Variants in UBR4 observed in about 807,000 individuals in gnomAD.
UBR4 encodes the protein E3 ubiquitin-protein ligase UBR4.
In UBR4, 124 loss-of-function variants were observed where a neutral mutation model predicts 575.6. The ratio of observed to expected loss-of-function variants is 0.22; its 90% CI spans 0.19 to 0.25. The LOEUF is 0.25. UBR4 is among the 10% of genes least tolerant of loss of function. The pLI is 1.00. For synonymous variants in UBR4, 2,455 were observed against 2,473.7 expected (o/e 0.99, Z 0.22); for missense variants, 4,818 against 6,478.8 (o/e 0.74, Z 8.80).
chr1:19,104,177 A>G lies in UBR4; in HGVS notation c.12808T>C (p.Tyr4270His). ...SRLVGTVLNG[Y>H]LCLRKLVVQR... is the part of the protein sequence containing the mutation. ...ACCACCAGCTTCCGCAAGCACAGGTATCCATTCAGCACAGTACCCACCAAG... is the reference window on the plus strand; with the variant it reads ...ACCACCAGCTTCCGCAAGCACAGGTGTCCATTCAGCACAGTACCCACCAAG... The change falls in exon 87 of 106, where the codon TAC becomes CAC. Residue 4270 changes from tyrosine to histidine, a missense_variant. By Grantham distance (83) the Tyr-to-His change is moderately conservative. This residue lies in a region of UBR4 where 105 missense variants were observed against 232.8 expected (regional missense o/e 0.45). Coordinates refer to ENST00000375254, the MANE Select transcript of UBR4 (RefSeq NM_020765.3). 6.2e-7 allele frequency: 1 copy of G among 1,614,264 alleles called. No homozygotes were observed. The highest frequency in any genetic ancestry group is 8.5e-7 in the Non-Finnish European group (1 of 1,180,056).
chr1:19,189,906 A>G (rs924719766), intron 11 of UBR4, among the ~76,000 whole-genome samples: 10 of 152,066 alleles, frequency 6.6e-5, no homozygotes, highest in African/African-American at 2.4e-4. Flanking sequence ...CCGGCTTCAG[A>G]TTTCAGCTTA....
intron 103 of UBR4, 150 bp downstream of exon 103, chr1:19,081,199 T>G: frequency 1.4e-6 from 1 of 710,512 alleles, no homozygotes; most frequent in South Asian, 1.9e-5. Context: ...CTTAGACTCT[T>G]GACATGACAG....
intron 1 of UBR4, among the ~76,000 whole-genome samples, chr1:19,205,264 AC>A (rs1199425434): frequency 2.0e-5 from 3 of 152,232 alleles, no homozygotes; most frequent in African/African-American, 7.2e-5. Context: ...TAAAAAAAGA[AC>A]TGGCAGGGTC....
chr1:19,191,687 G>A (rs1402085717), intron 11 of UBR4, among the ~76,000 whole-genome samples: 2 of 152,036 alleles, frequency 1.3e-5, no homozygotes, highest in African/African-American at 4.8e-5. Context: ...ATATAATAGG[G>A]ATTGAATGAA....
chr1:19,141,890 G>A, intron 55 of UBR4, 113 bp from the exon 56 acceptor site: 1 of 1,454,864 alleles, frequency 6.9e-7, no homozygotes, highest in Non-Finnish European at 9.3e-7. Context: ...CTAGCACCCT[G>A]GGCTTTAGCG....
At position 19,124,774 on chromosome 1, in the gene UBR4, T is replaced by C. The variant is rs577101846; in HGVS notation, c.9439-84A>G. On this transcript the variant is annotated intron_variant, in intron 64 of 105. Coordinates refer to ENST00000375254, the MANE Select transcript of UBR4 (RefSeq NM_020765.3). ...AGGAAAAAGCCTGGCTCATTAGACG[T>C]ATTACATGTTGGAGGTGGTAAAGGG... is the stretch of plus-strand genomic sequence containing the variant. 19 of 1,534,344 alleles carry C rather than the reference T, an allele frequency of 1.2e-5. No homozygotes were observed. The Admixed American group carries it at 3.1e-4, about 25-fold the overall frequency.
At chr1:19,177,817 G>C in intron 18 of UBR4, 74 bp from the exon 19 acceptor site, 6 of 1,486,942 alleles carry the variant, frequency 4.0e-6, no homozygotes, top group South Asian at 2.6e-5. Context: ...TCAAGCACTA[G>C]AAGAGTTAAA....
intron 5 of UBR4, 102 bp downstream of exon 5, chr1:19,198,439 T>A: frequency 6.9e-7 from 1 of 1,443,410 alleles, no homozygotes. Flanking sequence ...GACATGTATA[T>A]CATTTTATAT....
chr1:19,170,847 T>C lies in UBR4; in HGVS notation c.3558A>G (p.Thr1186=), dbSNP rs1380819559. 1.2e-6 allele frequency: 2 copies of C among 1,614,180 alleles called. No individual in the cohort carries two copies. The highest frequency in any genetic ancestry group is 1.1e-5 in the South Asian group (1 of 91,078). Residue 1186 remains threonine (T), a synonymous_variant, in exon 26 of 106, where the codon ACA becomes ACG. Transcript: ENST00000375254. ...GTTTCTCCTTGGAAGGTTTCTCAGTTGTTCCCTCTTCATTAAAGTTTTGCA... is the reference window on the plus strand; with the variant it reads ...GTTTCTCCTTGGAAGGTTTCTCAGTCGTTCCCTCTTCATTAAAGTTTTGCA... ...YLLQNFNEEG[T]TEKPSKEKLQ...
chr1:19,141,709 C>A lies in UBR4; in HGVS notation c.8248G>T (p.Gly2750Cys). 6.2e-7 allele frequency: 1 copy of A among 1,614,206 alleles called. No individual in the cohort carries two copies. Among genetic ancestry groups the A allele is most frequent in the Non-Finnish European group, 8.5e-7 (1 of 1,180,038 alleles). The change falls in exon 56 of 106, where the codon GGT (glycine) becomes TGT (cysteine). Residue 2750 changes from glycine to cysteine, a missense_variant. Physicochemically the swap from Gly to Cys is radical, Grantham distance 159. Transcript: ENST00000375254. ...KMQSSGIPNGGHIRQESQEQS... is the reference protein window; with the variant it reads ...KMQSSGIPNGCHIRQESQEQS... ...TCCTGGCTTTCCTGACGGATGTGAC[C>A]ACCATTCGGGATCCCTGATGACTGC...
chr1:19,156,353 G>C lies in UBR4; in HGVS notation c.5990C>G (p.Ala1997Gly). Residue 1997 changes from alanine (A) to glycine (G), a missense_variant, in exon 42 of 106, where the codon GCA becomes GGA. Transcript: ENST00000375254. The stretch of plus-strand genomic sequence containing the variant: ...GGCTTTGATGATGAAGTTCCCCGTT[G>C]CCAACTGAGGGTGCAAAACCAAGTG... Reference protein sequence around the residue: ...SDHLVLHPQLATGNFIIKAVW... With the variant: ...SDHLVLHPQLGTGNFIIKAVW... The C allele has an allele frequency of 6.2e-7, 1 of 1,614,192 alleles. No homozygotes were observed.
intron 90 of UBR4, among the ~76,000 whole-genome samples, chr1:19,097,688 G>T (rs1218580558): frequency 1.3e-5 from 2 of 152,182 alleles, no homozygotes; most frequent in Non-Finnish European, 2.9e-5. Flanking sequence ...TTCCAAGCCT[G>T]GACCTTCCTC....
rs2872331 is a variant in UBR4 at position 19,114,598 on chromosome 1, A to G, written c.11202+213T>C. ...CTGGAGATACTCTAGTTTCATTACC[A>G]ATCAACACTTTTCTAAAATCCTATG... On this transcript the variant is annotated intron_variant, in intron 75 of 105. Transcript: ENST00000375254. 8.8e-4 allele frequency among the ~76,000 whole-genome samples: 134 copies of G among 152,354 alleles called. No homozygotes were observed. The Middle Eastern group carries it at 0.01, about 12-fold the overall frequency.
intron 59 of UBR4, among the ~76,000 whole-genome samples, 172 bp from the exon 60 acceptor site, chr1:19,138,353 A>G (rs2083427607): frequency 6.6e-6 from 1 of 152,216 alleles, no homozygotes; most frequent in African/African-American, 2.4e-5. Context: ...ACTATGTTAA[A>G]TCACTCTCAC....
chr1:19,184,533 A>C (rs1332134500), intron 15 of UBR4, among the ~76,000 whole-genome samples: 2 of 152,224 alleles, frequency 1.3e-5, no homozygotes, highest in East Asian at 3.8e-4. Flanking sequence ...TATATGAATG[A>C]TTATTACACA....
rs2077958221 is a variant in UBR4, at chr1:19,095,649, G to A, written c.13522C>T (p.Leu4508=). The change falls in exon 93 of 106, where the codon CTA becomes TTA. Residue 4508 remains leucine, a synonymous_variant. Coordinates refer to ENST00000375254, the MANE Select transcript of UBR4 (RefSeq NM_020765.3). ...FKQGRHLLTV[L]LKLFSYCVKV... ...ACGCAGTAACTGAACAATTTCAGTA[G>A]CACCTGACAAGAAAAGCCAGTCAAA... The A allele has an allele frequency of 3.7e-6, 6 of 1,613,896 alleles. No individual in the cohort carries two copies. The East Asian group carries it at 1.3e-4, about 36-fold the overall frequency.
chr1:19,077,626 G>A (rs2076076931), intron 104 of UBR4, among the ~76,000 whole-genome samples: 1 of 152,180 alleles, frequency 6.6e-6, no homozygotes, highest in South Asian at 2.1e-4. Context: ...CCAGCTACTT[G>A]GGAGGCTGAG....
intron 68 of UBR4, 116 bp downstream of exon 68, chr1:19,121,073 C>T (rs2081120174): frequency 6.9e-7 from 1 of 1,441,228 alleles, no homozygotes; most frequent in Non-Finnish European, 9.4e-7. Flanking sequence ...AACATTTGGG[C>T]TTTAAGTCCC....
In UBR4 at chr1:19,127,719, C is replaced by T. The variant is rs1277507646; in HGVS notation, c.9132G>A (p.Glu3044=). Residue 3044 remains glutamate (E), a synonymous_variant, in exon 63 of 106, where the codon GAG becomes GAA. Coordinates refer to ENST00000375254, the MANE Select transcript of UBR4 (RefSeq NM_020765.3). ...MDKKDVSKKN[E]RSALNEVHLV... is the part of the protein sequence containing the mutation. ...GATGGACTTCATTCAGGGCGCTGCG[C>T]TCATTCTTCTTGGAGACATCCTGCA... 2.5e-6 allele frequency: 4 copies of T among 1,614,026 alleles called. No individual in the cohort carries two copies. The Admixed American group carries it at 5.0e-5, about 20-fold the overall frequency.
Sources: allele counts gnomAD v4.1 joint callset (sites outside exome capture counted in the v4.1 genomes callset), GRCh38; gene constraint gnomAD v4.1.1; regional missense constraint gnomAD v4.1.1; transcripts MANE v1.5; gene names NCBI Gene and HGNC (gene_info 2026-07-23, HGNC 2026-07-21).